IQSEC2: variants seen among roughly 807,000 people sequenced by gnomAD.
The protein encoded by IQSEC2 is IQ motif and Sec7 domain ArfGEF 2.
A neutral mutation model predicts 74.6 loss-of-function variants in IQSEC2; 6 were observed. The observed-to-expected ratio is 0.08, with a 90% CI of 0.04 to 0.16. The LOEUF (loss-of-function observed/expected upper bound fraction) is 0.16, where lower values mean the gene tolerates loss of function less well. IQSEC2 is among the 10% of genes least tolerant of loss of function. The pLI is 1.00. For synonymous variants in IQSEC2, 494 were observed against 544.5 expected (o/e 0.91, Z 1.29); for missense variants, 734 against 1,306.2 (o/e 0.56, Z 6.75).
At chrX:53,276,386 G>A (rs868967443) in intron 2 of IQSEC2, among the ~76,000 whole-genome samples, 5 of 112,013 alleles carry the variant, frequency 4.5e-5, no homozygotes, top group African/African-American at 6.5e-5. Flanking sequence ...AATGGTTTGC[G>A]TGTATATTTA....
In IQSEC2 at chrX:53,235,069, C is replaced by A; in HGVS notation, c.3617G>T (p.Gly1206Val). The change falls in exon 15 of 15, where the codon GGC becomes GTC. Residue 1206 changes from glycine (G) to valine (V), a missense_variant. Coordinates refer to ENST00000642864, the MANE Select transcript of IQSEC2 (RefSeq NM_001111125.3). ...RPVSNSSSFLGSLFGSKRGKG... is the reference protein window; with the variant it reads ...RPVSNSSSFLVSLFGSKRGKG... Reference sequence around the variant, plus strand: ...GCCCCGCTTGCTTCCAAATAGGGAGCCCAGGAAGGATGAGGAGTTGGAGAC... The same window carrying A: ...GCCCCGCTTGCTTCCAAATAGGGAGACCAGGAAGGATGAGGAGTTGGAGAC... The A allele has an allele frequency of 8.6e-7, 1 of 1,163,060 alleles. No individual in the cohort carries two copies. Among genetic ancestry groups the A allele is most frequent in the Non-Finnish European group, 1.1e-6 (1 of 871,833 alleles).
chrX:53,289,206 G>A (rs782117999), intron 2 of IQSEC2, among the ~76,000 whole-genome samples: 29 of 108,595 alleles, frequency 2.7e-4, no homozygotes, highest in African/African-American at 8.5e-4. Context: ...AGGAAACTGG[G>A]GCTCCAAGAG....
chrX:53,307,247 C>G (rs2075272569), intron 1 of IQSEC2, among the ~76,000 whole-genome samples: 1 of 107,371 alleles, frequency 9.3e-6, no homozygotes, highest in African/African-American at 3.4e-5. Context: ...CAGCTCACCA[C>G]TCAGTCAGAC....
At chrX:53,291,796 C>T in intron 2 of IQSEC2, 99 bp downstream of exon 2, 1 of 785,269 alleles carries the variant, frequency 1.3e-6, no homozygotes, top group Non-Finnish European at 1.8e-6. Flanking sequence ...TTGAGTTGGC[C>T]CCTCCCCTTG....
At chrX:53,276,462 A>T (rs5933568) in intron 2 of IQSEC2, among the ~76,000 whole-genome samples, 1 of 111,405 alleles carries the variant, frequency 9.0e-6, no homozygotes, top group African/African-American at 3.3e-5. Flanking sequence ...TATTCTCTTC[A>T]ATTATCTAAG....
chrX:53,312,428 T>C (rs983683510), intron 1 of IQSEC2, among the ~76,000 whole-genome samples: 3 of 112,027 alleles, frequency 2.7e-5, no homozygotes, highest in African/African-American at 6.5e-5. Context: ...AGGAACTATA[T>C]ACTAATCATA....
intron 4 of IQSEC2, among the ~76,000 whole-genome samples, chrX:53,252,870 G>A (rs1323107268): frequency 8.9e-6 from 1 of 112,287 alleles, no homozygotes; most frequent in African/African-American, 3.2e-5. Context: ...AGCACTCAGA[G>A]CTGGGACCAG....
chrX:53,232,393 A>T (rs2074068851), downstream of IQSEC2, among the ~76,000 whole-genome samples: 1 of 111,999 alleles, frequency 8.9e-6, no homozygotes, highest in Non-Finnish European at 1.9e-5. Flanking sequence ...CTCCAAGGCC[A>T]GGCCAGGCCA....
intron 1 of IQSEC2, among the ~76,000 whole-genome samples, chrX:53,315,388 AAAAC>A (rs1481134093): frequency 8.0e-5 from 9 of 111,812 alleles, no homozygotes; most frequent in Non-Finnish European, 1.5e-4. Context: ...TGAAACTCAT[AAAAC>A]AAACAAACAA....
At chrX:53,248,299 T>C in intron 6 of IQSEC2, 63 bp from the exon 7 acceptor site, 1 of 1,176,107 alleles carries the variant, frequency 8.5e-7, no homozygotes, top group Non-Finnish European at 1.1e-6. Context: ...CTGACCCACC[T>C]GGACCTGCTC....
chrX:53,233,249 G>A lies in IQSEC2; in HGVS notation c.*970C>T, dbSNP rs1412616745. On this transcript the variant is annotated 3_prime_UTR_variant, in exon 15 of 15. Transcript: ENST00000642864. ...CATTCTGGCTCCCAACCCCAGCTCT[G>A]ATGGCTTCAATCTCTGCCTCAGGAA... 8.9e-6 allele frequency: 1 copy of A among 112,726 alleles called. No homozygotes were observed. Among genetic ancestry groups the A allele is most frequent in the African/African-American group, 3.2e-5 (1 of 30,989 alleles). The allele number at this position is 112,726 out of a possible 1,213,427, so 9.3% of individuals were successfully genotyped here. A position where few individuals can be genotyped will look rare whatever the true frequency, so the allele number is the denominator to read the frequency against.
At chrX:53,319,164 G>T (rs1469083975) in intron 1 of IQSEC2, among the ~76,000 whole-genome samples, 7 of 112,181 alleles carry the variant, frequency 6.2e-5, no homozygotes. Flanking sequence ...ATTTCCTGAG[G>T]CAGAAGGTTT....
chrX:53,235,904 G>GT, intron 13 of IQSEC2, 72 bp from the exon 14 acceptor site: 1 of 1,046,753 alleles, frequency 9.6e-7, no homozygotes, highest in Non-Finnish European at 1.3e-6. Context: ...TCCAGAGCTG[G>GT]GCACCAGGAC....
intron 1 of IQSEC2, among the ~76,000 whole-genome samples, chrX:53,318,443 G>GCAAC (rs1303225939): frequency 8.9e-6 from 1 of 112,260 alleles, no homozygotes; most frequent in Non-Finnish European, 1.9e-5. Context: ...GAGCAAACAG[G>GCAAC]CAACCAGTCA....
chrX:53,252,530 G>A (rs1004441407), intron 4 of IQSEC2, among the ~76,000 whole-genome samples: 1 of 111,333 alleles, frequency 9.0e-6, no homozygotes, highest in African/African-American at 3.3e-5. Context: ...GCCGCATCAC[G>A]AACAGTCCTA....
At chrX:53,244,957 CCACACACACA>C (rs1162702556) in intron 8 of IQSEC2, among the ~76,000 whole-genome samples, 1 of 107,426 alleles carries the variant, frequency 9.3e-6, no homozygotes, top group Non-Finnish European at 1.9e-5. Flanking sequence ...ACACACACAC[CCACACACACA>C]CACACATATA....
chrX:53,246,214 T>C (rs1197838430), intron 8 of IQSEC2, among the ~76,000 whole-genome samples: 1 of 111,831 alleles, frequency 8.9e-6, no homozygotes, highest in Non-Finnish European at 1.9e-5. Context: ...CCTTTGGTAT[T>C]CTCATTGCTA....
At chrX:53,259,691 T>C (rs1346499320) in intron 2 of IQSEC2, among the ~76,000 whole-genome samples, 1 of 110,845 alleles carries the variant, frequency 9.0e-6, no homozygotes, top group Non-Finnish European at 1.9e-5. Flanking sequence ...TCCTAGCTAC[T>C]AGGGAGGCTG....
chrX:53,252,104 AG>A lies in IQSEC2; in HGVS notation c.1402-931del, dbSNP rs782650025. Among the ~76,000 whole-genome samples the A allele has an allele frequency of 3.3e-3, 368 of 112,410 alleles. 1 individual carries two copies. The highest frequency in any genetic ancestry group is 5.9e-3 in the Non-Finnish European group (316 of 53,177). ...TTGAGACAGAGTCTTGCTCTCACCC[AG>A]GCTGGAGTGCAGTGGCACGATCTCA... is the stretch of plus-strand genomic sequence containing the variant. On this transcript the variant is annotated intron_variant, in intron 4 of 14. Coordinates refer to ENST00000642864, the MANE Select transcript of IQSEC2 (RefSeq NM_001111125.3).
Sources: gnomAD v4.1 joint callset for allele counts (sites outside exome capture counted in the v4.1 genomes callset) on GRCh38, gnomAD v4.1.1 for gene constraint, MANE v1.5 for transcripts, NCBI Gene and HGNC (gene_info 2026-07-23, HGNC 2026-07-21) for gene names.